The following SYT1 variants were observed in gnomAD, a reference collection of about 807,000 sequenced individuals.
SYT1 encodes the protein synaptotagmin-1.
SYT1 carries 8 observed loss-of-function variants against 44.8 expected under a neutral mutation model. That is an observed-to-expected ratio of 0.18 (90% confidence interval 0.10 to 0.32). The LOEUF is 0.32. Ranked by LOEUF, SYT1 falls within the 10% of genes least tolerant of loss-of-function variation. The pLI, the probability that SYT1 is intolerant of heterozygous loss-of-function variation, is 1.00. For missense variants in SYT1, 286 were observed against 509.3 expected, an observed-to-expected ratio of 0.56 and a Z score of 4.22; for synonymous variants, 154 against 188.8, an observed-to-expected ratio of 0.82 and a Z score of 1.51.
intron 1 of SYT1, among the ~76,000 whole-genome samples, chr12:78,865,788 A>G (rs766973059): frequency 3.9e-5 from 6 of 152,010 alleles, no homozygotes; most frequent in Non-Finnish European, 8.8e-5. Flanking sequence ...CCCACTTTCA[A>G]CTGCTTAATT....
chr12:79,408,647 T>G (rs1025037899), intron 9 of SYT1, among the ~76,000 whole-genome samples: 1 of 152,118 alleles, frequency 6.6e-6, no homozygotes, highest in African/African-American at 2.4e-5. Flanking sequence ...AAGGACATTT[T>G]GGTTGGTTTT....
chr12:78,890,081 C>G (rs1046563621), intron 1 of SYT1, among the ~76,000 whole-genome samples: 2 of 151,840 alleles, frequency 1.3e-5, no homozygotes, highest in Non-Finnish European at 2.9e-5. Flanking sequence ...GCAGACATAT[C>G]CATTTGAATA....
At chr12:79,128,750 A>G (rs1461537070) in intron 3 of SYT1, among the ~76,000 whole-genome samples, 1 of 152,200 alleles carries the variant, frequency 6.6e-6, no homozygotes, top group African/African-American at 2.4e-5. Context: ...CACGTTCTGC[A>G]CATGTATCCC....
intron 9 of SYT1, among the ~76,000 whole-genome samples, chr12:79,404,776 GAAA>G (rs955685981): frequency 6.6e-5 from 10 of 152,096 alleles, no homozygotes; most frequent in Non-Finnish European, 1.2e-4. Context: ...GGCCTTTAGG[GAAA>G]AAATGTTTAT....
chr12:79,038,999 A>T (rs1291773969), intron 2 of SYT1, among the ~76,000 whole-genome samples: 1 of 152,062 alleles, frequency 6.6e-6, no homozygotes, highest in African/African-American at 2.4e-5. Flanking sequence ...GTCCAACATT[A>T]AAATGAATAT....
intron 8 of SYT1, among the ~76,000 whole-genome samples, chr12:79,310,511 T>C (rs192640542): frequency 1.3e-4 from 20 of 152,104 alleles, no homozygotes; most frequent in African/African-American, 4.6e-4. Context: ...CTCTTTTGGT[T>C]CCATATGAAC....
chr12:78,945,179 G>GT (rs1237663049), intron 1 of SYT1, among the ~76,000 whole-genome samples: 3 of 151,982 alleles, frequency 2.0e-5, no homozygotes, highest in Admixed American at 6.6e-5. Flanking sequence ...CAATTCAGCT[G>GT]TTTTTTTGTT....
At chr12:79,104,155 AT>A (rs199824840) in intron 3 of SYT1, among the ~76,000 whole-genome samples, 136 of 146,162 alleles carry the variant, frequency 9.3e-4, no homozygotes, top group Non-Finnish European at 7.6e-4. Context: ...AATGGAGTCA[AT>A]TTTTTTTTTT....
chr12:79,098,519 A>T (rs1208561651), intron 3 of SYT1, among the ~76,000 whole-genome samples: 1 of 152,160 alleles, frequency 6.6e-6, no homozygotes, highest in African/African-American at 2.4e-5. Context: ...CAAAGGGTAT[A>T]CTAGAATTTC....
At chr12:79,237,006 A>G (rs962103449) in intron 4 of SYT1, among the ~76,000 whole-genome samples, 3 of 152,206 alleles carry the variant, frequency 2.0e-5, no homozygotes, top group Non-Finnish European at 2.9e-5. Flanking sequence ...TTTTGTATCA[A>G]TCTGGCAGCA....
intron 1 of SYT1, among the ~76,000 whole-genome samples, chr12:78,910,156 T>C (rs958357509): frequency 1.3e-5 from 2 of 151,982 alleles, no homozygotes; most frequent in Non-Finnish European, 2.9e-5. Context: ...TACTAGGTTG[T>C]AAGCTTCCTA....
intron 5 of SYT1, among the ~76,000 whole-genome samples, chr12:79,289,090 T>A (rs1879450387): frequency 6.6e-6 from 1 of 152,228 alleles, no homozygotes; most frequent in Non-Finnish European, 1.5e-5. Context: ...GCTACTTTTC[T>A]AGTGCGCCTT....
At chr12:78,872,842 G>T (rs764248469) in intron 1 of SYT1, among the ~76,000 whole-genome samples, 4 of 151,642 alleles carry the variant, frequency 2.6e-5, no homozygotes, top group Non-Finnish European at 5.9e-5. Flanking sequence ...CTTTTAATTT[G>T]TTTATGTAAT....
intron 3 of SYT1, among the ~76,000 whole-genome samples, chr12:79,092,387 A>G (rs1877836894): frequency 1.3e-5 from 2 of 151,838 alleles, no homozygotes; most frequent in African/African-American, 4.8e-5. Context: ...TTATTGAAAT[A>G]AGAATACTCA....
intron 8 of SYT1, among the ~76,000 whole-genome samples, chr12:79,353,066 A>T (rs1882975424): frequency 6.6e-6 from 1 of 152,222 alleles, no homozygotes. Flanking sequence ...ATTAGAGGTA[A>T]TCCTATTTGA....
At chr12:79,120,914 C>T (rs2138132239) in intron 3 of SYT1, among the ~76,000 whole-genome samples, 1 of 150,134 alleles carries the variant, frequency 6.7e-6, no homozygotes, top group South Asian at 2.1e-4. Flanking sequence ...CATATGTATA[C>T]ACATATTTGT....
At chr12:78,968,037 A>G (rs1003651103) in intron 1 of SYT1, among the ~76,000 whole-genome samples, 2 of 152,104 alleles carry the variant, frequency 1.3e-5, no homozygotes, top group African/African-American at 4.8e-5. Context: ...GGAATGGGGA[A>G]CCTAGATTAC....
intron 1 of SYT1, among the ~76,000 whole-genome samples, chr12:78,884,138 C>T (rs2137061001): frequency 6.6e-6 from 1 of 151,536 alleles, no homozygotes; most frequent in Admixed American, 6.6e-5. Flanking sequence ...TATTTAAAGC[C>T]CCTAACAGAA....
intron 4 of SYT1, among the ~76,000 whole-genome samples, chr12:79,254,750 T>C (rs1313221390): frequency 6.6e-6 from 1 of 152,168 alleles, no homozygotes; most frequent in Non-Finnish European, 1.5e-5. Context: ...TTGGAAGAAG[T>C]TGATTCCAAT....
Sources: gnomAD v4.1 joint callset for allele counts (sites outside exome capture counted in the v4.1 genomes callset) on GRCh38, gnomAD v4.1.1 for gene constraint, MANE v1.5 for transcripts, NCBI Gene and HGNC (gene_info 2026-07-23, HGNC 2026-07-21) for gene names.